The following SLC38A9 variants were observed in gnomAD, a reference collection of about 807,000 sequenced individuals.
SLC38A9 encodes the protein neutral amino acid transporter 9.
A neutral mutation model predicts 62.3 loss-of-function variants in SLC38A9; 48 were observed. The observed-to-expected ratio is 0.77, with a 90% CI of 0.61 to 0.98. The LOEUF (loss-of-function observed/expected upper bound fraction) is 0.98, where lower values mean the gene tolerates loss of function less well. SLC38A9 is among the 50% of genes least tolerant of loss of function. The pLI is 0.00. For missense variants in SLC38A9, 541 were observed against 679.8 expected (o/e 0.80, Z 2.27); for synonymous variants, 204 against 227.7 (o/e 0.90, Z 0.94).
At chr5:55,628,969 A>G (rs1387820480) in intron 14 of SLC38A9, among the ~76,000 whole-genome samples, 2 of 152,212 alleles carry the variant, frequency 1.3e-5, no homozygotes, top group Non-Finnish European at 2.9e-5. Flanking sequence ...ATTACAGAGA[A>G]TTAGAAACAA....
At chr5:55,673,785 C>T (rs1276261022) in intron 3 of SLC38A9, among the ~76,000 whole-genome samples, 2 of 149,818 alleles carry the variant, frequency 1.3e-5, no homozygotes, top group South Asian at 2.1e-4. Context: ...GATCTCGGCT[C>T]ACTGCAACCT....
chr5:55,659,289 GTA>G (rs10537663), intron 8 of SLC38A9, among the ~76,000 whole-genome samples: 80,922 of 147,912 alleles, frequency 0.55, 23,318 homozygotes, highest in South Asian at 0.65. Context: ...ACATTTATAC[GTA>G]TATGTCTGTG....
In SLC38A9 at chr5:55,669,887, A is replaced by G. The variant is rs770830295; in HGVS notation, c.247-8T>C. On this transcript the variant is annotated splice_polypyrimidine_tract_variant and splice_region_variant and intron_variant, in intron 4 of 15. Coordinates refer to ENST00000396865, the MANE Select transcript of SLC38A9 (RefSeq NM_173514.4). ...TACATGGTCTGGGGCAATCTGGTAAAAAGGAAACATAGATAAATTTCAGAA... is the reference window on the plus strand; with the variant it reads ...TACATGGTCTGGGGCAATCTGGTAAGAAGGAAACATAGATAAATTTCAGAA... 6.3e-7 allele frequency: 1 copy of G among 1,581,426 alleles called. No homozygotes were observed. Among genetic ancestry groups the G allele is most frequent in the South Asian group, 1.2e-5 (1 of 85,750 alleles).
At chr5:55,677,682 C>T (rs547642738) in intron 3 of SLC38A9, among the ~76,000 whole-genome samples, 1 of 150,574 alleles carries the variant, frequency 6.6e-6, no homozygotes, top group Non-Finnish European at 1.5e-5. Context: ...CAGGTGTGCA[C>T]CACCGTGCCC....
chr5:55,706,569 T>A (rs1285933856), intron 2 of SLC38A9, among the ~76,000 whole-genome samples: 1 of 152,174 alleles, frequency 6.6e-6, no homozygotes, highest in African/African-American at 2.4e-5. Flanking sequence ...TCTGAGCAAA[T>A]CCAAAGTTCT....
intron 12 of SLC38A9, among the ~76,000 whole-genome samples, chr5:55,643,416 T>C (rs1009889156): frequency 8.5e-5 from 13 of 152,356 alleles, no homozygotes; most frequent in African/African-American, 2.9e-4. Flanking sequence ...ATTTAAATCC[T>C]TTCAAATTTA....
chr5:55,696,920 G>C (rs1300048823), intron 3 of SLC38A9: 1 of 160,708 alleles, frequency 6.2e-6, no homozygotes, highest in African/African-American at 2.5e-5. Context: ...TCACATCCCA[G>C]ACGAGGCGGC....
At chr5:55,697,654 GAAAAAAAA>G (rs3042033) in intron 3 of SLC38A9, among the ~76,000 whole-genome samples, 184 bp downstream of exon 3, 158 of 131,308 alleles carry the variant, frequency 1.2e-3, no homozygotes, top group African/African-American at 4.3e-3. Context: ...TGAGTTTAGT[GAAAAAAAA>G]AAAAAAAAAA....
rs563697731 is a variant in SLC38A9 at position 55,692,682 on chromosome 5, T to C, written c.113+5164A>G. The stretch of plus-strand genomic sequence containing the variant: ...ATATATTGCCATTTAATCTACGCAG[T>C]TAAACAAATTTACAGAGAACTGTTT... On this transcript the variant is annotated intron_variant, in intron 3 of 15. Coordinates refer to ENST00000396865, the MANE Select transcript of SLC38A9 (RefSeq NM_173514.4). 6.1e-6 allele frequency: 6 copies of C among 985,300 alleles called. No individual in the cohort carries two copies. In the South Asian group the frequency reaches 2.8e-4, roughly 46 times the overall value. 61.0% of individuals were successfully genotyped at this position (985,300 alleles called of 1,614,324 possible). A position where few individuals can be genotyped will look rare whatever the true frequency, so the allele number is the denominator to read the frequency against.
chr5:55,705,549 A>T (rs11745701), intron 2 of SLC38A9, among the ~76,000 whole-genome samples: 5 of 151,900 alleles, frequency 3.3e-5, no homozygotes, highest in East Asian at 3.9e-4. Context: ...GATTGAAACC[A>T]GGTCACTTTG....
At chr5:55,667,014 C>CA (rs1005215934) in intron 7 of SLC38A9, among the ~76,000 whole-genome samples, 6 of 148,040 alleles carry the variant, frequency 4.1e-5, no homozygotes, top group East Asian at 2.0e-4. Context: ...GACTCCGTCT[C>CA]AAAAAAAATA....
Position 55,657,490 on chromosome 5 carries a change from G to GT in SLC38A9, c.698-717dup, listed in dbSNP as rs34646167. On this transcript the variant is annotated intron_variant, in intron 8 of 15. Transcript: ENST00000396865. ...AGCTGATCTTACCTGGAAAATCAAA[G>GT]TTTTTTTTTTTTTTACAAAGTACAA... Among the ~76,000 whole-genome samples, 314 of 147,386 alleles carry GT rather than the reference G, an allele frequency of 2.1e-3. 1 individual carries two copies. The highest frequency in any genetic ancestry group is 5.0e-3 in the African/African-American group (199 of 40,006).
At chr5:55,631,525 T>C (rs66926907) in intron 14 of SLC38A9, among the ~76,000 whole-genome samples, 5,953 of 152,314 alleles carry the variant, frequency 0.039, 151 homozygotes, top group African/African-American at 0.082. Flanking sequence ...TGAATATAAA[T>C]ACAGCAGAGT....
chr5:55,661,014 C>G (rs1327058563), intron 8 of SLC38A9, among the ~76,000 whole-genome samples: 1 of 147,378 alleles, frequency 6.8e-6, no homozygotes, highest in East Asian at 2.0e-4. Context: ...ACTACTGTTA[C>G]AGAAAAAATG....
intron 9 of SLC38A9, among the ~76,000 whole-genome samples, chr5:55,653,418 A>G (rs1376484621): frequency 1.3e-5 from 2 of 152,210 alleles, no homozygotes; most frequent in Admixed American, 6.5e-5. Context: ...GTGACTGTTT[A>G]TCACACGAAT....
intron 12 of SLC38A9, among the ~76,000 whole-genome samples, chr5:55,641,360 T>C (rs942432635): frequency 1.3e-5 from 2 of 152,216 alleles, no homozygotes; most frequent in Non-Finnish European, 1.5e-5. Flanking sequence ...TTTTGTGCTT[T>C]CAATGTTGTG....
At chr5:55,634,344 C>T (rs1478695466) in intron 13 of SLC38A9, 1 of 153,124 alleles carries the variant, frequency 6.5e-6, no homozygotes, top group Admixed American at 6.5e-5. Flanking sequence ...ACTGTAAGCA[C>T]TTTTGAAGTA....
At chr5:55,688,434 C>T (rs13181774) in intron 3 of SLC38A9, among the ~76,000 whole-genome samples, 85,032 of 142,212 alleles carry the variant, frequency 0.6, 26,349 homozygotes, top group South Asian at 0.7. Context: ...GGCTGGAGTG[C>T]AGTGGCCCGA....
At chr5:55,641,411 A>C (rs1745429841) in intron 12 of SLC38A9, among the ~76,000 whole-genome samples, 1 of 152,204 alleles carries the variant, frequency 6.6e-6, no homozygotes, top group African/African-American at 2.4e-5. Context: ...GTTTTCTGAC[A>C]ATGTCAATTC....
Sources: gnomAD v4.1 joint callset for allele counts (sites outside exome capture counted in the v4.1 genomes callset) on GRCh38, gnomAD v4.1.1 for gene constraint, MANE v1.5 for transcripts, NCBI Gene and HGNC (gene_info 2026-07-23, HGNC 2026-07-21) for gene names.